Variants in KCNN2 observed in about 807,000 individuals in gnomAD.
KCNN2 encodes the protein potassium calcium-activated channel subfamily N member 2, also known as small conductance calcium-activated potassium channel protein 2.
A neutral mutation model predicts 55.5 loss-of-function variants in KCNN2; 24 were observed. The ratio of observed to expected loss-of-function variants is 0.43; its 90% CI spans 0.31 to 0.61. The LOEUF is 0.61. Ranked by LOEUF, KCNN2 falls within the 20% of genes least tolerant of loss-of-function variation. The pLI is 0.08. For missense variants in KCNN2, 754 were observed against 853.6 expected (o/e 0.88, Z 1.45); for synonymous variants, 431 against 336.1 (o/e 1.28, Z -3.09).
intron 3 of KCNN2, among the ~76,000 whole-genome samples, chr5:114,418,178 C>G (rs1295847972): frequency 1.3e-5 from 2 of 152,118 alleles, no homozygotes; most frequent in Non-Finnish European, 1.5e-5. Flanking sequence ...TTTATTTTAT[C>G]TGGTTCATTT....
At chr5:114,216,983 G>A (rs1754019552) in intron 1 of KCNN2, among the ~76,000 whole-genome samples, 1 of 152,072 alleles carries the variant, frequency 6.6e-6, no homozygotes, top group Non-Finnish European at 1.5e-5. Context: ...CATGTGGAAT[G>A]TGAAATTTAA....
chr5:114,127,856 T>A (rs917935343), intron 1 of KCNN2, among the ~76,000 whole-genome samples: 4 of 152,216 alleles, frequency 2.6e-5, no homozygotes, highest in African/African-American at 9.6e-5. Flanking sequence ...CACAGATCTT[T>A]AGGGCAGGGG....
At chr5:114,416,183 A>G (rs1317239184) in intron 3 of KCNN2, among the ~76,000 whole-genome samples, 1 of 152,098 alleles carries the variant, frequency 6.6e-6, no homozygotes, top group Non-Finnish European at 1.5e-5. Context: ...AATGAAGCCC[A>G]GAGAATATCC....
chr5:114,207,224 T>C (rs182978058), intron 1 of KCNN2, among the ~76,000 whole-genome samples: 1 of 152,294 alleles, frequency 6.6e-6, no homozygotes, highest in East Asian at 1.9e-4. Context: ...TCTGAGCATA[T>C]AGAAAACTTC....
intron 1 of KCNN2, among the ~76,000 whole-genome samples, chr5:114,101,379 T>A (rs577699759): frequency 3.0e-4 from 46 of 151,830 alleles, no homozygotes; most frequent in African/African-American, 1.1e-3. Flanking sequence ...GCCATTTACA[T>A]AGTGGTTTAT....
chr5:114,189,199 C>T (rs1422930447), intron 1 of KCNN2, among the ~76,000 whole-genome samples: 1 of 151,324 alleles, frequency 6.6e-6, no homozygotes, highest in Non-Finnish European at 1.5e-5. Flanking sequence ...AATTAGCTTA[C>T]ATGATTGTGG....
intron 2 of KCNN2, among the ~76,000 whole-genome samples, chr5:114,307,949 C>A (rs1485438344): frequency 6.6e-6 from 1 of 152,070 alleles, no homozygotes; most frequent in Non-Finnish European, 1.5e-5. Flanking sequence ...AATCAAAAAT[C>A]CTCATGATCC....
rs1477142549 is a variant in KCNN2, at chr5:114,362,211, C to G, written c.72C>G (p.His24Gln). The G allele has an allele frequency of 6.0e-6, 1 of 166,198 alleles. No individual in the cohort carries two copies. The highest frequency in any genetic ancestry group is 1.3e-5 in the Non-Finnish European group (1 of 77,746). 10.3% of individuals were successfully genotyped at this position (166,198 alleles called of 1,614,324 possible). ...EQPPPPPRSS[H>Q]LHCQQQQQSQ... ...CGCCGCCGCCGCCGCGCTCCTCACA[C>G]CTGCATTGCCAGCAGCAGCAACAGA... Residue 24 changes from histidine (H) to glutamine (Q), a missense_variant, in exon 1 of 8, where the codon CAC becomes CAG. His to Gln is a conservative substitution (Grantham distance 24). This residue lies in a region of KCNN2 where 381 missense variants were observed against 259.1 expected (regional missense o/e 1.47). Transcript: ENST00000673685.
At chr5:114,148,012 T>A (rs1413066333) in intron 1 of KCNN2, among the ~76,000 whole-genome samples, 1 of 152,140 alleles carries the variant, frequency 6.6e-6, no homozygotes, top group Non-Finnish European at 1.5e-5. Context: ...TAATTATTTT[T>A]AAAAATCTGT....
chr5:114,118,462 G>C (rs1236035181), intron 1 of KCNN2, among the ~76,000 whole-genome samples: 2 of 152,172 alleles, frequency 1.3e-5, no homozygotes, highest in Non-Finnish European at 2.9e-5. Flanking sequence ...GAAGGCCTGA[G>C]AACCAGAGGT....
At chr5:114,182,316 G>T (rs1457313012) in intron 1 of KCNN2, among the ~76,000 whole-genome samples, 1 of 151,804 alleles carries the variant, frequency 6.6e-6, no homozygotes, top group East Asian at 1.9e-4. Flanking sequence ...CTGAAAATTA[G>T]GTAGTGTAAG....
intron 3 of KCNN2, among the ~76,000 whole-genome samples, chr5:114,405,426 C>A (rs548273314): frequency 6.6e-6 from 1 of 152,156 alleles, no homozygotes; most frequent in Non-Finnish European, 1.5e-5. Flanking sequence ...ATGTCTGCAG[C>A]GCTCTGGTGG....
intron 6 of KCNN2, among the ~76,000 whole-genome samples, chr5:114,491,969 T>C (rs961422249): frequency 2.6e-5 from 4 of 152,190 alleles, no homozygotes; most frequent in African/African-American, 9.6e-5. Flanking sequence ...TCTAAATACA[T>C]GCTTGTAAAT....
chr5:114,205,482 A>G (rs1753750209), intron 1 of KCNN2, among the ~76,000 whole-genome samples: 2 of 152,352 alleles, frequency 1.3e-5, no homozygotes, highest in South Asian at 4.1e-4. Flanking sequence ...ATTATGCAGT[A>G]TTAAATAACC....
intron 1 of KCNN2, among the ~76,000 whole-genome samples, chr5:114,201,473 G>A (rs1166115161): frequency 6.6e-6 from 1 of 152,080 alleles, no homozygotes; most frequent in Non-Finnish European, 1.5e-5. Flanking sequence ...GGAAGAAGCT[G>A]TGGCAAGAAA....
intron 1 of KCNN2, among the ~76,000 whole-genome samples, chr5:114,160,892 G>A (rs1240320338): frequency 1.3e-5 from 2 of 152,036 alleles, no homozygotes; most frequent in Non-Finnish European, 2.9e-5. Flanking sequence ...TTGAGCCTAT[G>A]TGTGTCTCTG....
At chr5:114,192,670 C>T (rs868028107) in intron 1 of KCNN2, among the ~76,000 whole-genome samples, 1 of 152,060 alleles carries the variant, frequency 6.6e-6, no homozygotes, top group African/African-American at 2.4e-5. Flanking sequence ...CATATGTCGA[C>T]CTGGAAATAA....
At chr5:114,289,054 T>C (rs538820140) in intron 2 of KCNN2, among the ~76,000 whole-genome samples, 1 of 152,300 alleles carries the variant, frequency 6.6e-6, no homozygotes, top group South Asian at 2.1e-4. Flanking sequence ...TTCATTCCCT[T>C]GAACGTGGAT....
intron 3 of KCNN2, among the ~76,000 whole-genome samples, chr5:114,432,947 C>T (rs1759851273): frequency 6.6e-6 from 1 of 152,214 alleles, no homozygotes; most frequent in African/African-American, 2.4e-5. Context: ...TGCAGCCCGC[C>T]ATGCCTGAAC....
Sources: gnomAD v4.1 joint callset for allele counts (sites outside exome capture counted in the v4.1 genomes callset) on GRCh38, gnomAD v4.1.1 for gene constraint, gnomAD v4.1.1 regional missense constraint, MANE v1.5 for transcripts, NCBI Gene and HGNC (gene_info 2026-07-23, HGNC 2026-07-21) for gene names.